Variants in WBP1L observed in about 807,000 individuals in gnomAD.
WBP1L encodes the protein WW domain binding protein 1 like.
Under a neutral mutation model 33.7 loss-of-function variants are expected in WBP1L, and 17 were observed. That is an observed-to-expected ratio of 0.50 (90% CI 0.34 to 0.76). The LOEUF is 0.76. Among genes scored for constraint, WBP1L ranks in the 30% least tolerant of loss-of-function variants. The pLI is 0.01. For synonymous variants in WBP1L, 173 were observed against 190.8 expected, an observed-to-expected ratio of 0.91 and a Z score of 0.77; for missense variants, 389 against 469.4, an observed-to-expected ratio of 0.83 and a Z score of 1.58.
intron 1 of WBP1L, among the ~76,000 whole-genome samples, chr10:102,791,182 A>T (rs899177120): frequency 9.2e-5 from 14 of 152,166 alleles, no homozygotes; most frequent in African/African-American, 3.4e-4. Context: ...TTTCTAGGTC[A>T]ACTGGAAAGG....
At chr10:102,750,028 C>T (rs901251261) in intron 1 of WBP1L, among the ~76,000 whole-genome samples, 18 of 151,610 alleles carry the variant, frequency 1.2e-4, no homozygotes, top group African/African-American at 2.7e-4. Context: ...ATGATCTGCC[C>T]GCCTTGGCCT....
chr10:102,813,163 C>T lies in WBP1L; in HGVS notation c.924C>T (p.Cys308=). The change falls in exon 4 of 4, where the codon TGC becomes TGT. Residue 308 remains cysteine (C), a synonymous_variant. Transcript: ENST00000448841. ...LDGPLDFCDS[C]HVRPPGDEEE... ...GGCCCCTGGACTTCTGCGACAGCTG[C>T]CATGTGCGGCCCCCTGGTGATGAGG... 1 of 1,614,050 alleles carries T rather than the reference C, an allele frequency of 6.2e-7. No homozygotes were observed. The highest frequency in any genetic ancestry group is 8.5e-7 in the Non-Finnish European group (1 of 1,180,028).
At chr10:102,784,084 CCCATCTGAAATATGGATATGACCAAGT>C (rs1843374584) in intron 1 of WBP1L, among the ~76,000 whole-genome samples, 2 of 152,070 alleles carry the variant, frequency 1.3e-5, no homozygotes, top group South Asian at 4.2e-4. Flanking sequence ...TATGACCAAG[CCCATCTGAAATATGGATATGACCAAGT>C]CCATCTGAAA....
intron 1 of WBP1L, chr10:102,776,030 G>A (rs1843256356): frequency 2.1e-6 from 2 of 931,022 alleles, no homozygotes; most frequent in African/African-American, 1.8e-5. Context: ...TCCAGGGCTG[G>A]GCATCGCGGG....
intron 1 of WBP1L, among the ~76,000 whole-genome samples, chr10:102,749,531 T>C (rs1036432117): frequency 2.6e-5 from 4 of 152,110 alleles, no homozygotes; most frequent in African/African-American, 9.6e-5. Flanking sequence ...CAGGTGGGTC[T>C]AGAACTCCTT....
At chr10:102,766,372 C>T (rs1163779514) in intron 1 of WBP1L, among the ~76,000 whole-genome samples, 5 of 132,636 alleles carry the variant, frequency 3.8e-5, no homozygotes, top group Non-Finnish European at 4.6e-5. Context: ...ACCCGGGAGG[C>T]GGAGGTTGCA....
In WBP1L at chr10:102,813,494, A is replaced by G; in HGVS notation, c.*163A>G. 1 of 1,034,498 alleles carries G rather than the reference A, an allele frequency of 9.7e-7. No individual in the cohort carries two copies. Among genetic ancestry groups the G allele is most frequent in the African/African-American group, 1.6e-5 (1 of 61,946 alleles). 64.1% of individuals were successfully genotyped at this position (1,034,498 alleles called of 1,614,324 possible). ...CCTGCATTTTCCTCCATCTCCAGGTACAGTTCGGGGTGTGGATGCCTCTTC... is the reference window on the plus strand; with the variant it reads ...CCTGCATTTTCCTCCATCTCCAGGTGCAGTTCGGGGTGTGGATGCCTCTTC... On this transcript the variant is annotated 3_prime_UTR_variant, in exon 4 of 4. Coordinates refer to ENST00000448841, the MANE Select transcript of WBP1L (RefSeq NM_001083913.2).
chr10:102,812,181 C>CCTGG (rs1403476118), intron 3 of WBP1L, among the ~76,000 whole-genome samples: 1 of 152,174 alleles, frequency 6.6e-6, no homozygotes, highest in Non-Finnish European at 1.5e-5. Flanking sequence ...AGTTAGGGAC[C>CCTGG]CTGGCCCTGA....
intron 3 of WBP1L, among the ~76,000 whole-genome samples, chr10:102,811,542 G>A (rs190705228): frequency 1.2e-4 from 18 of 152,100 alleles, no homozygotes; most frequent in East Asian, 1.2e-3. Context: ...ACAGAATCTC[G>A]CTCTGTCACC....
At chr10:102,797,079 G>C (rs1486539129) in intron 1 of WBP1L, among the ~76,000 whole-genome samples, 2 of 152,194 alleles carry the variant, frequency 1.3e-5, no homozygotes, top group African/African-American at 2.4e-5. Context: ...TGATCTAGCA[G>C]ATTGAAATTA....
intron 1 of WBP1L, among the ~76,000 whole-genome samples, chr10:102,781,253 A>C (rs1277505438): frequency 6.6e-6 from 1 of 152,182 alleles, no homozygotes; most frequent in African/African-American, 2.4e-5. Flanking sequence ...TGCAGGGTGG[A>C]GCCATGACTG....
chr10:102,763,360 A>G (rs1843067995), intron 1 of WBP1L, among the ~76,000 whole-genome samples: 1 of 152,162 alleles, frequency 6.6e-6, no homozygotes, highest in African/African-American at 2.4e-5. Flanking sequence ...TCCGAGGCTT[A>G]ACCGTAAGCT....
chr10:102,793,800 G>A (rs1843535324), intron 1 of WBP1L, among the ~76,000 whole-genome samples: 1 of 151,868 alleles, frequency 6.6e-6, no homozygotes, highest in South Asian at 2.1e-4. Context: ...ACAGGGTCTG[G>A]CTCTGTCACC....
intron 1 of WBP1L, among the ~76,000 whole-genome samples, chr10:102,749,419 T>A (rs968366190): frequency 4.6e-5 from 7 of 151,550 alleles, no homozygotes; most frequent in African/African-American, 1.7e-4. Context: ...TGTTGGTGCA[T>A]GCCACCACAC....
At chr10:102,750,528 T>G (rs1337740277) in intron 1 of WBP1L, among the ~76,000 whole-genome samples, 4 of 75,410 alleles carry the variant, frequency 5.3e-5, no homozygotes, top group Non-Finnish European at 9.3e-5. Flanking sequence ...GCATATTTTC[T>G]TTTTTTTTTT....
intron 3 of WBP1L, among the ~76,000 whole-genome samples, chr10:102,810,564 C>CTTT (rs779749788): frequency 0.49 from 29,310 of 59,752 alleles, 10,842 homozygotes; most frequent in Non-Finnish European, 0.55. Context: ...CTCTCTATTT[C>CTTT]TTTTTTTTTT....
chr10:102,772,402 A>T (rs1462629990), intron 1 of WBP1L, among the ~76,000 whole-genome samples: 1 of 151,054 alleles, frequency 6.6e-6, no homozygotes, highest in Non-Finnish European at 1.5e-5. Flanking sequence ...CTGGGACTAC[A>T]GGTATGTGTC....
In WBP1L at chr10:102,810,063, A is replaced by C. The variant is rs746766571; in HGVS notation, c.355+9A>C. ...GCTGCCATTTTATTTCAGTACGTACACCCAAGCCCCCATACCCACCCTCAG... is the reference window on the plus strand; with the variant it reads ...GCTGCCATTTTATTTCAGTACGTACCCCCAAGCCCCCATACCCACCCTCAG... On this transcript the variant is annotated intron_variant, in intron 3 of 3. Transcript: ENST00000448841. The C allele has an allele frequency of 1.2e-5, 20 of 1,602,908 alleles. No individual in the cohort carries two copies. The Admixed American group carries it at 3.4e-4, about 27-fold the overall frequency.
At chr10:102,744,183 G>C (rs1200990779) in intron 1 of WBP1L, 40 bp downstream of exon 1, 2 of 1,522,842 alleles carry the variant, frequency 1.3e-6, no homozygotes, top group Non-Finnish European at 1.8e-6. Flanking sequence ...TGGGTCCTGG[G>C]GGTCGTCGAG....
Sources: allele counts gnomAD v4.1 joint callset (sites outside exome capture counted in the v4.1 genomes callset), GRCh38; gene constraint gnomAD v4.1.1; transcripts MANE v1.5; gene names NCBI Gene and HGNC (gene_info 2026-07-23, HGNC 2026-07-21).